PCDHA2: variants seen among roughly 807,000 people sequenced by gnomAD.
PCDHA2 encodes the protein protocadherin alpha-2.
PCDHA2 carries 58 observed loss-of-function variants against 66.0 expected under a neutral mutation model. The observed-to-expected ratio is 0.88, with a 90% CI of 0.71 to 1.09. The LOEUF (loss-of-function observed/expected upper bound fraction) is 1.09. Among genes scored for constraint, PCDHA2 ranks in the 50% least tolerant of loss-of-function variants. The pLI is 0.00. For synonymous variants in PCDHA2, 634 were observed against 554.0 expected (o/e 1.14, Z -2.03); for missense variants, 1,267 against 1,242.3 (o/e 1.02, Z -0.30).
In PCDHA2 at chr5:140,849,498, A is replaced by T. The variant is rs1347480492; in HGVS notation, c.2388+52146A>T. On this transcript the variant is annotated intron_variant, in intron 1 of 3. Transcript: ENST00000526136. Reference sequence around the variant, plus strand: ...CTTCCCACCCCTGGCTGGTCATTGTACACTTCTTGTGGAAGTTGTGGATGT... The same window carrying T: ...CTTCCCACCCCTGGCTGGTCATTGTTCACTTCTTGTGGAAGTTGTGGATGT... 6.9e-6 allele frequency: 11 copies of T among 1,593,514 alleles called. 1 individual carries two copies. The highest frequency in any genetic ancestry group is 9.4e-6 in the Non-Finnish European group (11 of 1,165,148).
chr5:140,830,283 C>T (rs2150184279), intron 1 of PCDHA2: 10 of 1,613,762 alleles, frequency 6.2e-6, no homozygotes, highest in South Asian at 4.4e-5. Flanking sequence ...ACCGAGGGCG[C>T]GTGCACGGCG....
In PCDHA2 at chr5:140,852,432, C is replaced by A. The variant is rs185141585; in HGVS notation, c.2388+55080C>A. ...AGCTGGGATTATAGGCACATGCCAC[C>A]GCGCCCAGCTAATTTTTGTATTTTT... On this transcript the variant is annotated intron_variant, in intron 1 of 3. Transcript: ENST00000526136. 4.7e-3 allele frequency: 847 copies of A among 180,880 alleles called. 56 individuals are homozygous for A. Among genetic ancestry groups the A allele is most frequent in the South Asian group, 0.036 (183 of 5,090 alleles). 11.2% of individuals were successfully genotyped at this position (180,880 alleles called of 1,614,324 possible).
intron 1 of PCDHA2, chr5:140,813,180 C>T (rs1554126135): frequency 6.6e-6 from 1 of 152,106 alleles, no homozygotes; most frequent in African/African-American, 2.4e-5. Flanking sequence ...TGTTCAAGTC[C>T]TCTGCTTCCT....
At chr5:140,849,750 T>G in intron 1 of PCDHA2, 1 of 1,598,370 alleles carries the variant, frequency 6.3e-7, no homozygotes, top group Admixed American at 1.7e-5. Context: ...CGAGAGTGTG[T>G]CCGCCTACGA....
intron 1 of PCDHA2, chr5:140,967,133 G>C: frequency 6.2e-7 from 1 of 1,611,928 alleles, no homozygotes; most frequent in East Asian, 2.2e-5. Flanking sequence ...CAGCTTGGAA[G>C]TGCTGGCGCA....
intron 1 of PCDHA2, among the ~76,000 whole-genome samples, chr5:140,900,279 C>A (rs2067883641): frequency 6.6e-6 from 1 of 151,672 alleles, no homozygotes. Flanking sequence ...ATGTACCACA[C>A]TTTCTTTTCT....
At chr5:140,924,049 T>C (rs1554201723) in intron 1 of PCDHA2, among the ~76,000 whole-genome samples, 1 of 152,254 alleles carries the variant, frequency 6.6e-6, no homozygotes, top group East Asian at 1.9e-4. Flanking sequence ...AAAAGTTCGG[T>C]ACATCTTTAC....
intron 1 of PCDHA2, chr5:140,883,340 C>T (rs2059560429): frequency 6.2e-7 from 1 of 1,614,140 alleles, no homozygotes; most frequent in Non-Finnish European, 8.5e-7. Flanking sequence ...TTTGTCACTC[C>T]CCATCAGAGA....
intron 1 of PCDHA2, chr5:140,875,470 G>T: frequency 6.2e-7 from 1 of 1,605,786 alleles, no homozygotes; most frequent in Non-Finnish European, 8.5e-7. Context: ...CTCATTTTCT[G>T]CAATGGTGAT....
intron 1 of PCDHA2, among the ~76,000 whole-genome samples, chr5:140,833,838 T>G (rs1290459937): frequency 6.6e-6 from 1 of 152,186 alleles, no homozygotes; most frequent in Non-Finnish European, 1.5e-5. Context: ...AGTACAGGAT[T>G]TTTCTTAACA....
Position 140,858,482 on chromosome 5 carries a change from A to G in PCDHA2, c.2388+61130A>G, listed in dbSNP as rs369228910. The G allele has an allele frequency of 2.7e-6, 4 of 1,507,654 alleles. 1 individual carries two copies. In the African/African-American group the frequency reaches 5.6e-5, roughly 21 times the overall value. 93.4% of individuals were successfully genotyped at this position (1,507,654 alleles called of 1,614,324 possible). On this transcript the variant is annotated intron_variant, in intron 1 of 3. Transcript: ENST00000526136. Reference sequence around the variant, plus strand: ...TTTCCTTTTGTGCTTTATGAATAATATTTTCTCTTACCGCATTTTCTCAAA... The same window carrying G: ...TTTCCTTTTGTGCTTTATGAATAATGTTTTCTCTTACCGCATTTTCTCAAA...
At chr5:140,801,052 C>G in intron 1 of PCDHA2, 1 of 1,440,518 alleles carries the variant, frequency 6.9e-7, no homozygotes, top group Admixed American at 2.8e-5. Flanking sequence ...GAAATAACAG[C>G]GTGCATTACG....
At chr5:140,877,910 T>A in intron 1 of PCDHA2, 2 of 1,431,310 alleles carry the variant, frequency 1.4e-6, no homozygotes, top group African/African-American at 2.9e-5. Flanking sequence ...AACTACATTC[T>A]CTCATTTTTC....
intron 1 of PCDHA2, chr5:140,928,283 T>C (rs782493603): frequency 4.3e-6 from 7 of 1,614,178 alleles, no homozygotes; most frequent in Non-Finnish European, 5.1e-6. Flanking sequence ...GGGGCCTCTC[T>C]AGGCCGAGTG....
intron 1 of PCDHA2, among the ~76,000 whole-genome samples, chr5:140,906,435 C>T (rs2072652869): frequency 6.6e-6 from 1 of 152,120 alleles, no homozygotes; most frequent in Non-Finnish European, 1.5e-5. Flanking sequence ...ACATGATAAA[C>T]AAGAAAGGAA....
chr5:140,982,035 A>G (rs950479755), intron 2 of PCDHA2, among the ~76,000 whole-genome samples: 2 of 152,280 alleles, frequency 1.3e-5, no homozygotes, highest in Admixed American at 1.3e-4. Context: ...CAATACTCCA[A>G]TTATCAGAAA....
At chr5:140,877,316 C>T in intron 1 of PCDHA2, 1 of 1,613,948 alleles carries the variant, frequency 6.2e-7, no homozygotes. Flanking sequence ...CAACCGGCGG[C>T]GGTCGGCGCG....
chr5:140,870,397 C>T (rs1554164199), intron 1 of PCDHA2: 2 of 1,614,230 alleles, frequency 1.2e-6, no homozygotes, highest in South Asian at 1.1e-5. Flanking sequence ...TGGGGGTTCG[C>T]CTTCTCTGTG....
At chr5:140,986,213 C>T (rs1554247816) in intron 3 of PCDHA2, among the ~76,000 whole-genome samples, 2 of 152,208 alleles carry the variant, frequency 1.3e-5, no homozygotes, top group Non-Finnish European at 2.9e-5. Context: ...TTACTGGCCC[C>T]TTTCTCTAGC....
Sources: allele counts gnomAD v4.1 joint callset (sites outside exome capture counted in the v4.1 genomes callset), GRCh38; gene constraint gnomAD v4.1.1; transcripts MANE v1.5; gene names NCBI Gene and HGNC (gene_info 2026-07-23, HGNC 2026-07-21).